Variants in SCRN1 observed in about 807,000 individuals in gnomAD.
SCRN1 encodes the protein secernin-1.
A neutral mutation model predicts 43.3 loss-of-function variants in SCRN1; 19 were observed. The ratio of observed to expected loss-of-function variants is 0.44; its 90% CI spans 0.31 to 0.64. The LOEUF (loss-of-function observed/expected upper bound fraction) is 0.64, where lower values mean the gene tolerates loss of function less well. SCRN1 is among the 30% of genes least tolerant of loss of function. The pLI, the probability that SCRN1 is intolerant of heterozygous loss-of-function variation, is 0.09. For synonymous variants in SCRN1, 183 were observed against 188.9 expected (o/e 0.97, Z 0.26); for missense variants, 447 against 524.1 (o/e 0.85, Z 1.44).
intron 1 of SCRN1, among the ~76,000 whole-genome samples, chr7:29,982,682 C>CAAAAAAAAAAAAAAAACAAAAAA (rs1789025248): frequency 1.5e-5 from 1 of 64,746 alleles, no homozygotes. Context: ...GACCCTGTCT[C>CAAAAAAAAAAAAAAAACAAAAAA]AAAAAAAAAA....
intron 3 of SCRN1, among the ~76,000 whole-genome samples, chr7:29,952,251 C>A (rs1267484049): frequency 6.6e-6 from 1 of 152,236 alleles, no homozygotes; most frequent in African/African-American, 2.4e-5. Flanking sequence ...ACATTTCTAG[C>A]AAGTTCCCAG....
intron 1 of SCRN1, among the ~76,000 whole-genome samples, chr7:29,986,084 A>T (rs1270750742): frequency 3.3e-5 from 5 of 152,146 alleles, no homozygotes; most frequent in Admixed American, 3.3e-4. Flanking sequence ...AAAATACAAA[A>T]GTTAGCCGGG....
At chr7:29,970,934 C>T (rs1788648333) in intron 1 of SCRN1, among the ~76,000 whole-genome samples, 1 of 152,190 alleles carries the variant, frequency 6.6e-6, no homozygotes, top group Non-Finnish European at 1.5e-5. Context: ...TTGTATATTT[C>T]TTTACCTGTT....
upstream of SCRN1, chr7:29,989,914 C>G (rs1033336811): frequency 9.4e-7 from 1 of 1,062,498 alleles, no homozygotes; most frequent in Non-Finnish European, 1.1e-6. Flanking sequence ...CCCCGCGCGT[C>G]TGGCTGCACG....
At chr7:29,954,768 T>C (rs761737025) in intron 3 of SCRN1, among the ~76,000 whole-genome samples, 13 of 152,168 alleles carry the variant, frequency 8.5e-5, no homozygotes, top group South Asian at 2.1e-4. Flanking sequence ...GCAACCTCCG[T>C]CTTCCAGGTT....
chr7:29,944,194 CCA>C lies in SCRN1; in HGVS notation c.342-17_342-16del. 1.2e-6 allele frequency: 2 copies of C among 1,612,364 alleles called. No homozygotes were observed. Among genetic ancestry groups the C allele is most frequent in the Non-Finnish European group, 1.7e-6 (2 of 1,178,420 alleles). ...CTAAACCAAGCCTGCAGGAAGGAAA[CCA>C]GAACCATACTTCAGTCATTTCATAC... On this transcript the variant is annotated splice_polypyrimidine_tract_variant and intron_variant, in intron 3 of 7. Transcript: ENST00000242059.
chr7:29,982,231 A>G (rs949816883), intron 1 of SCRN1, among the ~76,000 whole-genome samples: 2 of 152,252 alleles, frequency 1.3e-5, no homozygotes, highest in African/African-American at 4.8e-5. Context: ...CATAACATCT[A>G]AAATTGTATG....
intron 1 of SCRN1, among the ~76,000 whole-genome samples, chr7:29,978,713 C>A (rs371435482): frequency 1.3e-5 from 2 of 152,308 alleles, no homozygotes; most frequent in East Asian, 3.9e-4. Context: ...AATCTGTTAT[C>A]CAATTAATTG....
At chr7:29,983,035 C>T (rs184634579) in intron 1 of SCRN1, among the ~76,000 whole-genome samples, 1 of 152,042 alleles carries the variant, frequency 6.6e-6, no homozygotes, top group African/African-American at 2.4e-5. Flanking sequence ...GACGTGGTTT[C>T]ACCATGTTGG....
At chr7:29,946,986 C>T (rs17377633) in intron 3 of SCRN1, among the ~76,000 whole-genome samples, 1,626 of 152,376 alleles carry the variant, frequency 0.011, 15 homozygotes, top group Non-Finnish European at 0.015. Context: ...TCACCTCCTA[C>T]ATGCGGCAGA....
At chr7:29,934,527 C>A (rs528438176) in intron 6 of SCRN1, among the ~76,000 whole-genome samples, 6 of 152,312 alleles carry the variant, frequency 3.9e-5, no homozygotes, top group Admixed American at 3.9e-4. Flanking sequence ...CCATATGTAC[C>A]CCTGTCATCC....
intron 3 of SCRN1, among the ~76,000 whole-genome samples, chr7:29,945,222 A>C (rs1219439764): frequency 6.6e-6 from 1 of 152,118 alleles, no homozygotes; most frequent in Non-Finnish European, 1.5e-5. Flanking sequence ...CCCTTTAAAG[A>C]GGGCACTGAT....
intron 1 of SCRN1, among the ~76,000 whole-genome samples, chr7:29,973,082 C>G (rs534537574): frequency 1.2e-4 from 19 of 152,160 alleles, no homozygotes; most frequent in Non-Finnish European, 2.8e-4. Context: ...GTGCTATCAT[C>G]CATATAAACT....
intron 1 of SCRN1, among the ~76,000 whole-genome samples, chr7:29,979,987 C>A (rs1788949363): frequency 1.3e-5 from 2 of 152,126 alleles, no homozygotes; most frequent in African/African-American, 2.4e-5. Context: ...TAGACCTATG[C>A]AGTCAGGATA....
At chr7:29,987,246 A>C (rs920076324) in intron 1 of SCRN1, among the ~76,000 whole-genome samples, 1 of 152,182 alleles carries the variant, frequency 6.6e-6, no homozygotes, top group Non-Finnish European at 1.5e-5. Flanking sequence ...ACCCATGCAC[A>C]ATTTCTAGCT....
intron 6 of SCRN1, among the ~76,000 whole-genome samples, chr7:29,932,741 G>C (rs1301524231): frequency 6.6e-6 from 1 of 151,238 alleles, no homozygotes; most frequent in Non-Finnish European, 1.5e-5. Context: ...CAAATAAGGA[G>C]GTGGGGTAGA....
chr7:29,936,237 C>T (rs1410860976), intron 6 of SCRN1, among the ~76,000 whole-genome samples: 4 of 152,104 alleles, frequency 2.6e-5, no homozygotes, highest in African/African-American at 9.7e-5. Flanking sequence ...AATGCTTGGC[C>T]CATGATATAT....
chr7:29,929,096 C>T (rs1447384100), intron 6 of SCRN1, among the ~76,000 whole-genome samples: 2 of 152,208 alleles, frequency 1.3e-5, no homozygotes, highest in African/African-American at 2.4e-5. Flanking sequence ...AGACAGCACT[C>T]GGGGTTTCCT....
At chr7:29,978,160 G>A (rs919089611) in intron 1 of SCRN1, among the ~76,000 whole-genome samples, 1 of 152,194 alleles carries the variant, frequency 6.6e-6, no homozygotes, top group Non-Finnish European at 1.5e-5. Context: ...CTTCCCAGCA[G>A]CGTGGTGTGG....
Sources: gnomAD v4.1 joint callset for allele counts (sites outside exome capture counted in the v4.1 genomes callset) on GRCh38, gnomAD v4.1.1 for gene constraint, MANE v1.5 for transcripts, NCBI Gene and HGNC (gene_info 2026-07-23, HGNC 2026-07-21) for gene names.